The following YEATS2 variants were observed in gnomAD, a reference collection of about 807,000 sequenced individuals.
YEATS2 encodes YEATS domain containing 2.
A neutral mutation model predicts 163.2 loss-of-function variants in YEATS2; 77 were observed. The observed-to-expected ratio is 0.47, with a 90% CI of 0.39 to 0.57. The LOEUF (loss-of-function observed/expected upper bound fraction) is 0.57, where lower values mean the gene tolerates loss of function less well. Among genes scored for constraint, YEATS2 ranks in the 20% least tolerant of loss-of-function variants. The probability of loss-of-function intolerance (pLI) is 0.00; values close to 1 mark genes in which losing one functional copy is unlikely to be tolerated. For synonymous variants in YEATS2, 631 were observed against 645.1 expected (o/e 0.98, Z 0.33); for missense variants, 1,549 against 1,729.8 (o/e 0.90, Z 1.85).
intron 9 of YEATS2, 133 bp downstream of exon 9, chr3:183,747,849 G>C (rs185701770): frequency 3.6e-4 from 235 of 656,012 alleles, no homozygotes; most frequent in Middle Eastern, 6.6e-4. Flanking sequence ...GCATGATCTC[G>C]GCTCACTGCA....
intron 15 of YEATS2, among the ~76,000 whole-genome samples, chr3:183,765,033 T>C (rs1721762644): frequency 6.6e-6 from 1 of 152,154 alleles, no homozygotes; most frequent in African/African-American, 2.4e-5. Flanking sequence ...TTAGGAATCA[T>C]GGTGCTACAG....
At chr3:183,771,100 G>C (rs1164146653) in intron 15 of YEATS2, among the ~76,000 whole-genome samples, 1 of 152,198 alleles carries the variant, frequency 6.6e-6, no homozygotes, top group Non-Finnish European at 1.5e-5. Context: ...AGATGGGCCA[G>C]TGCCTCTCTG....
At chr3:183,793,706 G>A (rs1211252817) in intron 21 of YEATS2, among the ~76,000 whole-genome samples, 2 of 140,470 alleles carry the variant, frequency 1.4e-5, no homozygotes, top group African/African-American at 5.3e-5. Context: ...TCTGCCTCCC[G>A]AGTTCCAGCG....
chr3:183,751,993 AT>A, intron 9 of YEATS2, 79 bp from the exon 10 acceptor site: 1 of 1,494,838 alleles, frequency 6.7e-7, no homozygotes, highest in Non-Finnish European at 9.2e-7. Flanking sequence ...CATCCCGGAG[AT>A]TACATTCTTG....
At chr3:183,767,557 A>G (rs557085762) in intron 15 of YEATS2, among the ~76,000 whole-genome samples, 1 of 151,748 alleles carries the variant, frequency 6.6e-6, no homozygotes, top group Non-Finnish European at 1.5e-5. Flanking sequence ...ATTTTTTTGT[A>G]TTTTTAGTAG....
Position 183,808,049 on chromosome 3 carries a change from C to G in YEATS2, c.4031C>G (p.Pro1344Arg). The change falls in exon 29 of 31, where the codon CCC becomes CGC. Residue 1344 changes from proline to arginine, a missense_variant. Pro to Arg is a moderately radical substitution (Grantham distance 103). Coordinates refer to ENST00000305135, the MANE Select transcript of YEATS2 (RefSeq NM_018023.5). ...TTCCAGATTGGGATCACCCTGCAGCCCGTGGCACTCCACAGGAACGTGTAT... is the reference window on the plus strand; with the variant it reads ...TTCCAGATTGGGATCACCCTGCAGCGCGTGGCACTCCACAGGAACGTGTAT... ...VTQKIGITLQ[P>R]VALHRNVYAS... The G allele has an allele frequency of 6.4e-7, 1 of 1,563,352 alleles. No homozygotes were observed. Among genetic ancestry groups the G allele is most frequent in the Non-Finnish European group, 8.7e-7 (1 of 1,153,166 alleles).
chr3:183,705,604 C>G (rs1469914032), intron 1 of YEATS2, among the ~76,000 whole-genome samples: 1 of 152,080 alleles, frequency 6.6e-6, no homozygotes, highest in African/African-American at 2.4e-5. Flanking sequence ...TGTATAATAA[C>G]TTTGTACATT....
intron 5 of YEATS2, among the ~76,000 whole-genome samples, chr3:183,723,449 G>T (rs1202719697): frequency 6.6e-6 from 1 of 152,108 alleles, no homozygotes; most frequent in Non-Finnish European, 1.5e-5. Flanking sequence ...AAATTCATAT[G>T]TGTTCATTTT....
intron 27 of YEATS2, 174 bp from the exon 28 acceptor site, chr3:183,806,692 T>C: frequency 1.6e-6 from 1 of 640,764 alleles, no homozygotes; most frequent in South Asian, 2.0e-5. Flanking sequence ...TATGCCTTTC[T>C]CCCTCGTGAA....
chr3:183,772,552 C>T lies in YEATS2; in HGVS notation c.2195C>T (p.Ser732Phe). The change falls in exon 16 of 31, where the codon TCC becomes TTC. Residue 732 changes from serine (S) to phenylalanine (F), a missense_variant. Physicochemically the swap from Ser to Phe is radical, Grantham distance 155 (BLOSUM62 -2). Transcript: ENST00000305135. Reference protein sequence around the residue: ...VTAAGPQKSGSQGSVMATLQL... With the variant: ...VTAAGPQKSGFQGSVMATLQL... ...GCCGCTGGTCCTCAGAAGAGTGGATCCCAGGGTTCAGGTAAAACGGATCAT... is the reference window on the plus strand; with the variant it reads ...GCCGCTGGTCCTCAGAAGAGTGGATTCCAGGGTTCAGGTAAAACGGATCAT... 1 of 1,613,870 alleles carries T rather than the reference C, an allele frequency of 6.2e-7. No homozygotes were observed. The highest frequency in any genetic ancestry group is 8.5e-7 in the Non-Finnish European group (1 of 1,180,022).
rs1250096533 is a variant in YEATS2, at chr3:183,710,891, C to G, written c.-19-4253C>G. 3.9e-5 allele frequency among the ~76,000 whole-genome samples: 6 copies of G among 152,192 alleles called. 1 individual carries two copies. The South Asian group carries it at 1.0e-3, about 26-fold the overall frequency. ...GGGGACTCATCTTTGTAGATAATCTCCTATGACTCTTGGCAAACTGTGGAA... is the reference window on the plus strand; with the variant it reads ...GGGGACTCATCTTTGTAGATAATCTGCTATGACTCTTGGCAAACTGTGGAA... On this transcript the variant is annotated intron_variant, in intron 1 of 30. Transcript: ENST00000305135.
At chr3:183,743,086 C>A (rs1157351484) in intron 8 of YEATS2, among the ~76,000 whole-genome samples, 1 of 152,168 alleles carries the variant, frequency 6.6e-6, no homozygotes, top group Non-Finnish European at 1.5e-5. Context: ...GAAACAGATT[C>A]ATTGTGAGTT....
chr3:183,801,668 C>A, intron 25 of YEATS2, 140 bp downstream of exon 25: 1 of 578,228 alleles, frequency 1.7e-6, no homozygotes, highest in South Asian at 3.1e-5. Flanking sequence ...GAGATACAGC[C>A]CATTTGCAAG....
intron 8 of YEATS2, among the ~76,000 whole-genome samples, chr3:183,737,621 G>C (rs1481832004): frequency 1.3e-5 from 2 of 152,278 alleles, no homozygotes; most frequent in East Asian, 3.9e-4. Flanking sequence ...ATGTTTGTCT[G>C]TAAAGACAGA....
chr3:183,790,021 C>T (rs919505151), intron 20 of YEATS2, among the ~76,000 whole-genome samples: 3 of 152,194 alleles, frequency 2.0e-5, no homozygotes, highest in Non-Finnish European at 2.9e-5. Flanking sequence ...GCTGCTTCCC[C>T]GTGCCTCTTC....
intron 6 of YEATS2, among the ~76,000 whole-genome samples, chr3:183,725,682 A>G (rs543146700): frequency 1.1e-4 from 17 of 152,210 alleles, no homozygotes; most frequent in Non-Finnish European, 1.9e-4. Context: ...ATTACCTCCC[A>G]CTGCGTCCCT....
At position 183,773,809 on chromosome 3, in the gene YEATS2, T is replaced by C. The variant is rs777186824; in HGVS notation, c.2368+15T>C. On this transcript the variant is annotated intron_variant, in intron 17 of 30. Coordinates refer to ENST00000305135, the MANE Select transcript of YEATS2 (RefSeq NM_018023.5). ...GAACAATGCTAGTTAGTGAAACCAT[T>C]GGGTTGAATCATTTGGTTCTTGGTT... The C allele has an allele frequency of 1.9e-6, 3 of 1,594,350 alleles. No individual in the cohort carries two copies. The highest frequency in any genetic ancestry group is 1.1e-5 in the South Asian group (1 of 87,016).
At chr3:183,715,048 G>T in intron 1 of YEATS2, 96 bp from the exon 2 acceptor site, 5 of 650,044 alleles carry the variant, frequency 7.7e-6, no homozygotes, top group Non-Finnish European at 1.3e-5. Context: ...TATTTTGTTT[G>T]TACACATATA....
chr3:183,732,037 C>T (rs1232018181), intron 7 of YEATS2, among the ~76,000 whole-genome samples: 3 of 151,852 alleles, frequency 2.0e-5, no homozygotes, highest in East Asian at 3.9e-4. Flanking sequence ...TCAACCATAG[C>T]GCTGTTTTTT....
Sources: allele counts gnomAD v4.1 joint callset (sites outside exome capture counted in the v4.1 genomes callset), GRCh38; gene constraint gnomAD v4.1.1; transcripts MANE v1.5; gene names NCBI Gene and HGNC (gene_info 2026-07-23, HGNC 2026-07-21).